The following TLCD4 variants were observed in gnomAD, a reference collection of about 807,000 sequenced individuals.
TLCD4 encodes TLC domain containing 4, also known as TLC domain-containing protein 4.
In TLCD4, 7 loss-of-function variants were observed where a neutral mutation model predicts 24.2. The observed-to-expected ratio is 0.29, with a 90% CI of 0.16 to 0.54. TLCD4 has a LOEUF of 0.54. TLCD4 is among the 20% of genes least tolerant of loss of function. The pLI is 0.95. For synonymous variants in TLCD4, 103 were observed against 106.4 expected, an observed-to-expected ratio of 0.97 and a Z score of 0.20; for missense variants, 259 against 313.9, an observed-to-expected ratio of 0.82 and a Z score of 1.32.
At chr1:95,141,451 G>A (rs1677195052) in intron 1 of TLCD4, among the ~76,000 whole-genome samples, 1 of 152,060 alleles carries the variant, frequency 6.6e-6, no homozygotes, top group African/African-American at 2.4e-5. Context: ...AAAGTCTTCA[G>A]GGGAAACCTC....
At chr1:95,157,436 A>G (rs1259287276) in intron 5 of TLCD4, among the ~76,000 whole-genome samples, 2 of 152,252 alleles carry the variant, frequency 1.3e-5, no homozygotes, top group Non-Finnish European at 2.9e-5. Flanking sequence ...GGACTGTGTC[A>G]GAAGGACACA....
At chr1:95,179,168 A>G (rs1678549541) in intron 6 of TLCD4, among the ~76,000 whole-genome samples, 1 of 152,260 alleles carries the variant, frequency 6.6e-6, no homozygotes, top group Non-Finnish European at 1.5e-5. Flanking sequence ...TAAAGGAAAT[A>G]AAATTAAAAA....
At chr1:95,155,305 C>T (rs1677602002) in intron 5 of TLCD4, among the ~76,000 whole-genome samples, 1 of 152,030 alleles carries the variant, frequency 6.6e-6, no homozygotes, top group African/African-American at 2.4e-5. Context: ...TTTCCCCTCA[C>T]AGTCATGCAG....
intron 6 of TLCD4, among the ~76,000 whole-genome samples, chr1:95,186,896 TA>T (rs1225998797): frequency 6.6e-6 from 1 of 151,934 alleles, no homozygotes; most frequent in Non-Finnish European, 1.5e-5. Context: ...AATCACTCAA[TA>T]AAATATTTTC....
rs528106047 is a variant in TLCD4, at chr1:95,124,657, T to A, written c.-12+7040T>A. Among the ~76,000 whole-genome samples, 28 of 152,218 alleles carry A rather than the reference T, an allele frequency of 1.8e-4. No individual in the cohort carries two copies. The South Asian group carries it at 4.6e-3, about 25-fold the overall frequency. On this transcript the variant is annotated intron_variant, in intron 1 of 6. Coordinates refer to ENST00000370203, the MANE Select transcript of TLCD4 (RefSeq NM_152487.3). ...AGGACCTAAAGGGACACATGAGCAA[T>A]GAAAAATAGCAATGTGATCTTGTTT... is the stretch of plus-strand genomic sequence containing the variant.
At position 95,193,067 on chromosome 1, in the gene TLCD4, C is replaced by G. The variant is rs1679077902; in HGVS notation, c.*1199C>G. 1 of 152,216 alleles carries G rather than the reference C, an allele frequency of 6.6e-6. No homozygotes were observed. The highest frequency in any genetic ancestry group is 2.1e-4 in the South Asian group (1 of 4,816). The allele number at this position is 152,216 out of a possible 1,614,324, so 9.4% of individuals were successfully genotyped here. ...CCCTGAGTTCTGAACCCAGCACCAT[C>G]AGTACCAAAGTCTTATGCAATATGT... On this transcript the variant is annotated 3_prime_UTR_variant, in exon 7 of 7. Transcript: ENST00000370203.
At position 95,141,833 on chromosome 1, in the gene TLCD4, A is replaced by AC. The variant is rs1557682576; in HGVS notation, c.-11-2058_-11-2057insC. ...CACACACACACACACACACACACACAAAGAATGAGGAAAGAATTCATTATA... is the reference window on the plus strand; with the variant it reads ...CACACACACACACACACACACACACACAAGAATGAGGAAAGAATTCATTATA... On this transcript the variant is annotated intron_variant, in intron 1 of 6. Coordinates refer to ENST00000370203, the MANE Select transcript of TLCD4 (RefSeq NM_152487.3). 7.4e-4 allele frequency among the ~76,000 whole-genome samples: 111 copies of AC among 149,880 alleles called. 1 individual carries two copies. The East Asian group carries it at 0.015, about 20-fold the overall frequency.
chr1:95,166,766 G>C (rs930528875), intron 5 of TLCD4, among the ~76,000 whole-genome samples: 6 of 152,040 alleles, frequency 3.9e-5, no homozygotes, highest in Non-Finnish European at 8.8e-5. Context: ...GTCTCACTCT[G>C]TCACCCACGC....
the TLCD4 span, among the ~76,000 whole-genome samples, chr1:95,093,471 G>A: frequency 6.6e-6 from 1 of 152,192 alleles, no homozygotes; most frequent in Non-Finnish European, 1.5e-5. Context: ...ATATCTGGAT[G>A]TATCAGAGTA....
intron 5 of TLCD4, among the ~76,000 whole-genome samples, chr1:95,166,857 T>A (rs1678031214): frequency 6.6e-6 from 1 of 151,670 alleles, no homozygotes; most frequent in Non-Finnish European, 1.5e-5. Flanking sequence ...GCCTCCTGAG[T>A]AGCTGGGACT....
chr1:95,165,290 G>T (rs1477538102), intron 5 of TLCD4: 1 of 152,100 alleles, frequency 6.6e-6, no homozygotes, highest in Non-Finnish European at 1.5e-5. Context: ...ATCTCTACTG[G>T]TGGCATATGG....
At chr1:95,160,278 T>A (rs11165323) in intron 5 of TLCD4, among the ~76,000 whole-genome samples, 1 of 151,984 alleles carries the variant, frequency 6.6e-6, no homozygotes, top group Admixed American at 6.6e-5. Context: ...ATAGTGAATG[T>A]GAGTTCACTC....
intron 3 of TLCD4, among the ~76,000 whole-genome samples, chr1:95,149,624 T>C (rs2100945302): frequency 6.6e-6 from 1 of 152,292 alleles, no homozygotes; most frequent in Admixed American, 6.5e-5. Context: ...TGAATTTAAT[T>C]CCATGACTAG....
At chr1:95,178,515 G>A (rs1178847578) in intron 6 of TLCD4, among the ~76,000 whole-genome samples, 3 of 149,462 alleles carry the variant, frequency 2.0e-5, no homozygotes, top group African/African-American at 7.5e-5. Context: ...CACCCACCTC[G>A]GCCTCCCAAA....
intron 3 of TLCD4, among the ~76,000 whole-genome samples, chr1:95,149,805 G>T (rs1170208565): frequency 1.3e-5 from 2 of 152,036 alleles, no homozygotes; most frequent in Non-Finnish European, 2.9e-5. Context: ...CATAATTTTT[G>T]ATTTGAATTT....
intron 6 of TLCD4, among the ~76,000 whole-genome samples, chr1:95,177,961 G>GT (rs1678492029): frequency 2.1e-5 from 2 of 93,874 alleles, no homozygotes; most frequent in South Asian, 3.5e-4. Context: ...GTTTTTTTTT[G>GT]TTTTTTGGAG....
chr1:95,131,672 A>G (rs1342156203), intron 1 of TLCD4, among the ~76,000 whole-genome samples: 1 of 152,230 alleles, frequency 6.6e-6, no homozygotes, highest in African/African-American at 2.4e-5. Flanking sequence ...TAAGAAGTAT[A>G]ATCCATTGGA....
chr1:95,111,811 T>A, the TLCD4 span, among the ~76,000 whole-genome samples: 2 of 152,158 alleles, frequency 1.3e-5, no homozygotes, highest in African/African-American at 4.8e-5. Flanking sequence ...CCTGCACTCA[T>A]GCCCTCCACC....
chr1:95,107,431 A>G, the TLCD4 span, among the ~76,000 whole-genome samples: 2 of 152,184 alleles, frequency 1.3e-5, no homozygotes, highest in African/African-American at 4.8e-5. Context: ...TTAAACAAAC[A>G]AACAAAAAAA....
Sources: gnomAD v4.1 joint callset for allele counts (sites outside exome capture counted in the v4.1 genomes callset) on GRCh38, gnomAD v4.1.1 for gene constraint, MANE v1.5 for transcripts, NCBI Gene and HGNC (gene_info 2026-07-23, HGNC 2026-07-21) for gene names.